GABRG3: variants seen among roughly 807,000 people sequenced by gnomAD.
The protein encoded by GABRG3 is gamma-aminobutyric acid receptor subunit gamma-3.
A neutral mutation model predicts 48.8 loss-of-function variants in GABRG3; 25 were observed. The ratio of observed to expected loss-of-function variants is 0.51; its 90% CI spans 0.37 to 0.72. GABRG3 has a LOEUF of 0.72. Ranked by LOEUF, GABRG3 falls within the 30% of genes least tolerant of loss-of-function variation. The pLI is 0.00. For missense variants in GABRG3, 394 were observed against 577.9 expected (o/e 0.68, Z 3.26); for synonymous variants, 227 against 217.6 (o/e 1.04, Z -0.38).
intron 3 of GABRG3, among the ~76,000 whole-genome samples, chr15:27,058,391 T>A (rs1213753350): frequency 6.6e-6 from 1 of 152,142 alleles, no homozygotes; most frequent in Non-Finnish European, 1.5e-5. Context: ...GAGTATGCTT[T>A]TCATTGTAAG....
chr15:27,268,475 C>T (rs1173591830), intron 3 of GABRG3, among the ~76,000 whole-genome samples: 2 of 145,892 alleles, frequency 1.4e-5, no homozygotes, highest in Non-Finnish European at 3.0e-5. Context: ...AAATAACCAG[C>T]TTTTAGTTCA....
At chr15:27,166,230 A>G (rs1387668087) in intron 3 of GABRG3, among the ~76,000 whole-genome samples, 1 of 152,206 alleles carries the variant, frequency 6.6e-6, no homozygotes, top group Non-Finnish European at 1.5e-5. Flanking sequence ...ATATTCAGAA[A>G]TAACAGAGGG....
intron 3 of GABRG3, among the ~76,000 whole-genome samples, chr15:27,210,333 G>A (rs1889033416): frequency 6.6e-6 from 1 of 152,198 alleles, no homozygotes; most frequent in South Asian, 2.1e-4. Context: ...GAGTTTAGAT[G>A]AGTAATCATG....
chr15:26,988,265 G>C (rs970281850), intron 2 of GABRG3, among the ~76,000 whole-genome samples: 4 of 152,094 alleles, frequency 2.6e-5, no homozygotes, highest in African/African-American at 9.7e-5. Flanking sequence ...AACTGTAGCT[G>C]TATTTTTCTT....
At chr15:27,387,814 AG>A (rs1895973651) in intron 5 of GABRG3, among the ~76,000 whole-genome samples, 1 of 56,080 alleles carries the variant, frequency 1.8e-5, no homozygotes, top group Admixed American at 2.6e-4. Context: ...GGAGGGAGGG[AG>A]GGAGGGAGGG....
intron 3 of GABRG3, among the ~76,000 whole-genome samples, chr15:27,131,909 AT>A (rs1468463572): frequency 1.3e-5 from 2 of 151,900 alleles, no homozygotes; most frequent in East Asian, 1.9e-4. Flanking sequence ...AAAAATATAT[AT>A]TTGGCCATTT....
chr15:27,095,599 G>C (rs1897256307), intron 3 of GABRG3, among the ~76,000 whole-genome samples: 1 of 152,174 alleles, frequency 6.6e-6, no homozygotes, highest in African/African-American at 2.4e-5. Flanking sequence ...TCATAACCGA[G>C]TGTATACTCA....
At chr15:27,405,477 A>T (rs1887602724) in intron 5 of GABRG3, among the ~76,000 whole-genome samples, 1 of 152,258 alleles carries the variant, frequency 6.6e-6, no homozygotes, top group South Asian at 2.1e-4. Flanking sequence ...TTACACTGAC[A>T]GTTGGAAAAT....
chr15:27,197,733 C>T (rs1456720073), intron 3 of GABRG3, among the ~76,000 whole-genome samples: 2 of 152,084 alleles, frequency 1.3e-5, no homozygotes, highest in Admixed American at 6.5e-5. Context: ...GAATCTGTCT[C>T]GTCCTGGGCT....
chr15:27,007,410 G>C (rs1165359718), intron 2 of GABRG3, among the ~76,000 whole-genome samples: 1 of 152,078 alleles, frequency 6.6e-6, no homozygotes, highest in Non-Finnish European at 1.5e-5. Flanking sequence ...AGAATGATTT[G>C]TATTCCTTTG....
chr15:27,066,783 A>AT (rs2140729433), intron 3 of GABRG3, among the ~76,000 whole-genome samples: 1 of 152,324 alleles, frequency 6.6e-6, no homozygotes, highest in South Asian at 2.1e-4. Context: ...TGCTTCCAGA[A>AT]TAATCCCTTT....
rs564528781 is a variant in GABRG3 at position 27,419,430 on chromosome 15, C to G, written c.575-61220C>G. On this transcript the variant is annotated intron_variant, in intron 5 of 9. Coordinates refer to ENST00000615808, the MANE Select transcript of GABRG3 (RefSeq NM_033223.5). ...TAGTCTTTTGTGTTAAACTGATGAGCATTAAGGAATAAATGGTTCCACATG... is the reference window on the plus strand; with the variant it reads ...TAGTCTTTTGTGTTAAACTGATGAGGATTAAGGAATAAATGGTTCCACATG... Among the ~76,000 whole-genome samples, 12 of 152,228 alleles carry G rather than the reference C, an allele frequency of 7.9e-5. No individual in the cohort carries two copies. The East Asian group carries it at 2.3e-3, about 29-fold the overall frequency.
chr15:27,447,857 AG>A lies in GABRG3; in HGVS notation c.575-32788del, dbSNP rs987932658. 1.4e-4 allele frequency among the ~76,000 whole-genome samples: 22 copies of A among 152,130 alleles called. No homozygotes were observed. The highest frequency in any genetic ancestry group is 5.3e-4 in the African/African-American group (22 of 41,438). The stretch of plus-strand genomic sequence containing the variant: ...CACACACCAGGGCCTGTCAGGGGTA[AG>A]GGGGCTGGGGGAGAGATAGCATTAG... On this transcript the variant is annotated intron_variant, in intron 5 of 9. Coordinates refer to ENST00000615808, the MANE Select transcript of GABRG3 (RefSeq NM_033223.5). The surrounding 1 kb of genome is among the most constrained non-coding windows in gnomAD (Gnocchi z 4.0).
At chr15:27,056,853 T>A (rs1028145078) in intron 3 of GABRG3, among the ~76,000 whole-genome samples, 1 of 152,198 alleles carries the variant, frequency 6.6e-6, no homozygotes, top group Admixed American at 6.5e-5. Context: ...CTTCACTGAT[T>A]TCTCTTGAGA....
chr15:27,117,576 A>G (rs147388372), intron 3 of GABRG3, among the ~76,000 whole-genome samples: 20 of 152,340 alleles, frequency 1.3e-4, no homozygotes, highest in Non-Finnish European at 2.8e-4. Flanking sequence ...AACGTCATAG[A>G]AAATGATTGG....
At chr15:27,487,131 C>A (rs1890239880) in intron 6 of GABRG3, among the ~76,000 whole-genome samples, 1 of 152,292 alleles carries the variant, frequency 6.6e-6, no homozygotes, top group Admixed American at 6.5e-5. Flanking sequence ...TTCAAACCCA[C>A]TGTGAGTCAT....
intron 2 of GABRG3, among the ~76,000 whole-genome samples, chr15:27,009,003 G>A (rs890179751): frequency 2.0e-5 from 3 of 152,190 alleles, no homozygotes; most frequent in Non-Finnish European, 4.4e-5. Flanking sequence ...AGGATGTAGA[G>A]CAAGGAGAGG....
At chr15:27,177,063 G>T (rs1330228495) in intron 3 of GABRG3, among the ~76,000 whole-genome samples, 1 of 152,174 alleles carries the variant, frequency 6.6e-6, no homozygotes, top group Non-Finnish European at 1.5e-5. Context: ...CGAGAACTCA[G>T]AGGCTAGGGT....
intron 6 of GABRG3, among the ~76,000 whole-genome samples, chr15:27,489,460 C>G (rs920255453): frequency 6.6e-6 from 1 of 152,158 alleles, no homozygotes; most frequent in African/African-American, 2.4e-5. Flanking sequence ...CCACAGCCTT[C>G]CACAATGATT....
Sources: gnomAD v4.1 joint callset for allele counts (sites outside exome capture counted in the v4.1 genomes callset) on GRCh38, gnomAD v4.1.1 for gene constraint, Gnocchi (gnomAD v3.1) non-coding constraint, MANE v1.5 for transcripts, NCBI Gene and HGNC (gene_info 2026-07-23, HGNC 2026-07-21) for gene names.